TTC28: variants seen among roughly 807,000 people sequenced by gnomAD.
The protein encoded by TTC28 is tetratricopeptide repeat domain 28, also known as tetratricopeptide repeat protein 28.
A neutral mutation model predicts 198.0 loss-of-function variants in TTC28; 61 were observed. The ratio of observed to expected loss-of-function variants is 0.31; its 90% CI spans 0.25 to 0.38. The LOEUF (loss-of-function observed/expected upper bound fraction) is 0.38, where lower values mean the gene tolerates loss of function less well. Among genes scored for constraint, TTC28 ranks in the 10% least tolerant of loss-of-function variants. The pLI is 1.00. For synonymous variants in TTC28, 1,171 were observed against 1,297.8 expected, an observed-to-expected ratio of 0.90 and a Z score of 2.10; for missense variants, 2,678 against 3,164.0, an observed-to-expected ratio of 0.85 and a Z score of 3.69.
At chr22:28,396,410 T>C (rs565764618) in intron 2 of TTC28, among the ~76,000 whole-genome samples, 10 of 152,314 alleles carry the variant, frequency 6.6e-5, no homozygotes, top group Non-Finnish European at 1.0e-4. Flanking sequence ...CTTGTAAAGG[T>C]TGTAATTCTG....
At chr22:28,044,494 G>A (rs1190609744) in intron 12 of TTC28, among the ~76,000 whole-genome samples, 2 of 151,764 alleles carry the variant, frequency 1.3e-5, no homozygotes, top group Non-Finnish European at 2.9e-5. Context: ...GAGTACATGT[G>A]CACAATGTGC....
At chr22:28,320,323 G>T (rs1285066981) in intron 2 of TTC28, among the ~76,000 whole-genome samples, 1 of 151,856 alleles carries the variant, frequency 6.6e-6, no homozygotes, top group Non-Finnish European at 1.5e-5. Context: ...TAGAATGAAG[G>T]CACAAGATAT....
At chr22:28,033,076 G>C (rs545198659) in intron 12 of TTC28, among the ~76,000 whole-genome samples, 1 of 152,242 alleles carries the variant, frequency 6.6e-6, no homozygotes, top group Non-Finnish European at 1.5e-5. Flanking sequence ...CTGAGAAATC[G>C]GCTTATCATT....
chr22:28,119,974 A>G (rs1414434042), intron 6 of TTC28, among the ~76,000 whole-genome samples: 2 of 152,236 alleles, frequency 1.3e-5, no homozygotes, highest in Non-Finnish European at 2.9e-5. Flanking sequence ...ATTTATCTGT[A>G]AAATGTAATG....
At chr22:28,589,864 C>A (rs561876622) in intron 2 of TTC28, among the ~76,000 whole-genome samples, 2 of 151,354 alleles carry the variant, frequency 1.3e-5, no homozygotes, top group Admixed American at 6.6e-5. Flanking sequence ...ATGGTGAAAC[C>A]CCGTCTCTAC....
chr22:28,534,901 G>A lies in TTC28; in HGVS notation c.381+94651C>T, dbSNP rs185592084. Among the ~76,000 whole-genome samples the A allele has an allele frequency of 5.7e-3, 864 of 152,018 alleles. 9 individuals carry two copies. Among genetic ancestry groups the A allele is most frequent in the African/African-American group, 0.02 (836 of 41,450 alleles). ...CACAGGATGAGGAACATCACACACC[G>A]GGACGTGTTGTGGGGTTGGGGGAGG... On this transcript the variant is annotated intron_variant, in intron 2 of 22. Coordinates refer to ENST00000397906, the MANE Select transcript of TTC28 (RefSeq NM_001145418.2).
intron 3 of TTC28, among the ~76,000 whole-genome samples, chr22:28,299,190 T>C (rs757052867): frequency 9.9e-5 from 15 of 152,050 alleles, no homozygotes; most frequent in Non-Finnish European, 1.5e-4. Flanking sequence ...AAGCACTTAT[T>C]ATTAGCTTTC....
intron 2 of TTC28, among the ~76,000 whole-genome samples, chr22:28,523,039 T>G (rs763188150): frequency 6.6e-6 from 1 of 152,140 alleles, no homozygotes; most frequent in Non-Finnish European, 1.5e-5. Flanking sequence ...CGTTATGGTA[T>G]GTGAATTATA....
intron 12 of TTC28, among the ~76,000 whole-genome samples, chr22:28,063,434 C>A (rs1355731884): frequency 6.6e-6 from 1 of 152,146 alleles, no homozygotes; most frequent in Non-Finnish European, 1.5e-5. Flanking sequence ...CTCTGCCATT[C>A]CTTTCTTCCA....
chr22:28,526,811 C>A (rs959071478), intron 2 of TTC28, among the ~76,000 whole-genome samples: 3 of 151,874 alleles, frequency 2.0e-5, no homozygotes, highest in Admixed American at 1.3e-4. Flanking sequence ...GGTTGGAGTG[C>A]AATGGTACCA....
intron 13 of TTC28, among the ~76,000 whole-genome samples, chr22:28,020,484 CA>C (rs1569086768): frequency 1.3e-5 from 2 of 152,134 alleles, no homozygotes. Context: ...GCAGAGGGGT[CA>C]GGGGCGTGGC....
intron 13 of TTC28, among the ~76,000 whole-genome samples, chr22:28,021,281 T>C (rs1438906586): frequency 6.6e-6 from 1 of 152,122 alleles, no homozygotes; most frequent in Non-Finnish European, 1.5e-5. Flanking sequence ...TGCTAGAGCT[T>C]AGTGCAATCT....
At chr22:28,503,011 G>A (rs1568983888) in intron 2 of TTC28, among the ~76,000 whole-genome samples, 1 of 152,010 alleles carries the variant, frequency 6.6e-6, no homozygotes, top group Non-Finnish European at 1.5e-5. Flanking sequence ...TGGAAGGCAG[G>A]CACTAAACAA....
intron 5 of TTC28, among the ~76,000 whole-genome samples, chr22:28,205,659 G>A (rs16986128): frequency 0.015 from 2,349 of 152,014 alleles, 85 homozygotes; most frequent in African/African-American, 0.055. Context: ...ACATTTGATG[G>A]GATAAATATA....
chr22:28,293,358 C>G lies in TTC28; in HGVS notation c.933+2840G>C, dbSNP rs1055399585. On this transcript the variant is annotated intron_variant, in intron 5 of 22. Transcript: ENST00000397906. ...TTGGAGAATATCATGTTAAGTGAAA[C>G]AGGCCAGACACAGAAAGAAAATTAC... Among the ~76,000 whole-genome samples, 9 of 152,010 alleles carry G rather than the reference C, an allele frequency of 5.9e-5. No individual in the cohort carries two copies. In the East Asian group the frequency reaches 1.5e-3, roughly 26 times the overall value.
At chr22:28,462,289 C>G (rs1263299255) in intron 2 of TTC28, among the ~76,000 whole-genome samples, 1 of 152,122 alleles carries the variant, frequency 6.6e-6, no homozygotes, top group Non-Finnish European at 1.5e-5. Flanking sequence ...TTATATGCCA[C>G]ATCTGAACAG....
chr22:28,503,521 T>C (rs951446885), intron 2 of TTC28, among the ~76,000 whole-genome samples: 1 of 152,174 alleles, frequency 6.6e-6, no homozygotes, highest in Non-Finnish European at 1.5e-5. Flanking sequence ...TTAATGTCAT[T>C]AGGCTTCAGT....
rs543462676 is a variant in TTC28 at position 28,228,574 on chromosome 22, A to C, written c.934-64975T>G. On this transcript the variant is annotated intron_variant, in intron 5 of 22. Transcript: ENST00000397906. ...AATTAGCTGGGCGTGGTGGTGTGCAACTGTAATCCCAGCTACCCAGGAGGC... is the reference window on the plus strand; with the variant it reads ...AATTAGCTGGGCGTGGTGGTGTGCACCTGTAATCCCAGCTACCCAGGAGGC... Among the ~76,000 whole-genome samples, 142 of 151,780 alleles carry C rather than the reference A, an allele frequency of 9.4e-4. 1 individual carries two copies. The highest frequency in any genetic ancestry group is 3.3e-3 in the African/African-American group (135 of 41,376).
At chr22:28,496,505 G>GA (rs1182378368) in intron 2 of TTC28, among the ~76,000 whole-genome samples, 1 of 152,010 alleles carries the variant, frequency 6.6e-6, no homozygotes, top group African/African-American at 2.4e-5. Flanking sequence ...CAATCCATCA[G>GA]AAAATCCTGT....
Sources: allele counts gnomAD v4.1 joint callset (sites outside exome capture counted in the v4.1 genomes callset), GRCh38; gene constraint gnomAD v4.1.1; transcripts MANE v1.5; gene names NCBI Gene and HGNC (gene_info 2026-07-23, HGNC 2026-07-21).